Variants in CSMD2 observed in about 807,000 individuals in gnomAD.
CSMD2 encodes CUB and Sushi multiple domains 2.
CSMD2 carries 130 observed loss-of-function variants against 398.5 expected under a neutral mutation model. The ratio of observed to expected loss-of-function variants is 0.33; its 90% confidence interval spans 0.28 to 0.38. The LOEUF (loss-of-function observed/expected upper bound fraction) is 0.38, where lower values mean the gene tolerates loss of function less well. Ranked by LOEUF, CSMD2 falls within the 10% of genes least tolerant of loss-of-function variation. The pLI, the probability that CSMD2 is intolerant of heterozygous loss-of-function variation, is 1.00. For synonymous variants in CSMD2, 1,828 were observed against 1,908.5 expected (o/e 0.96, Z 1.10); for missense variants, 3,829 against 4,764.9 (o/e 0.80, Z 5.78).
intron 1 of CSMD2, among the ~76,000 whole-genome samples, chr1:34,109,595 C>T (rs998319073): frequency 6.6e-6 from 1 of 151,940 alleles, no homozygotes; most frequent in African/African-American, 2.4e-5. Flanking sequence ...AAACAGACAA[C>T]CTAAAGAAGG....
chr1:33,943,039 C>A (rs149630473), intron 3 of CSMD2, among the ~76,000 whole-genome samples: 1 of 152,160 alleles, frequency 6.6e-6, no homozygotes, highest in Non-Finnish European at 1.5e-5. Context: ...ACAAATTCAC[C>A]ATGGCCATGC....
rs567322079 is a variant in CSMD2, at chr1:34,066,820, C to G, written c.404+22157G>C. Among the ~76,000 whole-genome samples the G allele has an allele frequency of 1.3e-3, 203 of 152,268 alleles. 1 individual carries two copies. Among genetic ancestry groups the G allele is most frequent in the Admixed American group, 2.5e-3 (38 of 15,298 alleles). ...GGGAAAGATGGGGCTTCTCCACAGT[C>G]AGGATGGGCTTGGGGTCTGCAGGAC... On this transcript the variant is annotated intron_variant, in intron 2 of 70. Coordinates refer to ENST00000373381, the MANE Select transcript of CSMD2 (RefSeq NM_001281956.2).
intron 1 of CSMD2, among the ~76,000 whole-genome samples, chr1:34,120,647 C>T (rs980808898): frequency 3.9e-5 from 6 of 152,144 alleles, no homozygotes; most frequent in South Asian, 2.1e-4. Flanking sequence ...CAGGTTCAAG[C>T]GATTCTCCTG....
intron 1 of CSMD2, among the ~76,000 whole-genome samples, chr1:34,118,770 A>G (rs988521342): frequency 3.9e-5 from 6 of 152,226 alleles, no homozygotes; most frequent in African/African-American, 1.4e-4. Flanking sequence ...GCTTACAGAT[A>G]TTAAAGAAAA....
At chr1:34,021,492 G>C (rs1318561224) in intron 3 of CSMD2, among the ~76,000 whole-genome samples, 1 of 152,210 alleles carries the variant, frequency 6.6e-6, no homozygotes, top group African/African-American at 2.4e-5. Flanking sequence ...TCCATCCTGG[G>C]AGGGGCTGGG....
chr1:33,895,856 C>T (rs889937354), intron 5 of CSMD2, among the ~76,000 whole-genome samples: 4 of 152,084 alleles, frequency 2.6e-5, no homozygotes, highest in African/African-American at 4.8e-5. Flanking sequence ...GGTCTGAAGC[C>T]GCAGTGCTCA....
intron 6 of CSMD2, among the ~76,000 whole-genome samples, chr1:33,829,406 T>C (rs1163933343): frequency 6.6e-6 from 1 of 152,218 alleles, no homozygotes; most frequent in Non-Finnish European, 1.5e-5. Flanking sequence ...TTTTTTATTA[T>C]TATACTTAAA....
At chr1:33,710,753 G>A (rs1014693477) in intron 21 of CSMD2, among the ~76,000 whole-genome samples, 12 of 37,812 alleles carry the variant, frequency 3.2e-4, no homozygotes, top group Middle Eastern at 0.015. Flanking sequence ...TGGAGAACAT[G>A]GAAACCTTCA....
At chr1:33,646,579 C>T (rs1323655631) in intron 29 of CSMD2, 69 bp downstream of exon 29, 4 of 1,544,136 alleles carry the variant, frequency 2.6e-6, no homozygotes, top group Non-Finnish European at 3.5e-6. Flanking sequence ...CCTCACTACG[C>T]TACACTACTT....
At chr1:33,873,448 G>A (rs987150660) in intron 5 of CSMD2, 4 of 152,202 alleles carry the variant, frequency 2.6e-5, no homozygotes, top group Non-Finnish European at 5.9e-5. Context: ...TACAGAAAAA[G>A]TGATAGAATG....
At chr1:33,746,150 C>T (rs551283669) in intron 13 of CSMD2, among the ~76,000 whole-genome samples, 8 of 152,230 alleles carry the variant, frequency 5.3e-5, no homozygotes, top group Admixed American at 2.0e-4. Context: ...ATTCATCTGT[C>T]GACTTGAAAT....
At chr1:34,015,398 G>C (rs555450923) in intron 3 of CSMD2, among the ~76,000 whole-genome samples, 3 of 152,198 alleles carry the variant, frequency 2.0e-5, no homozygotes, top group African/African-American at 7.2e-5. Context: ...CAAAGTGTAG[G>C]CTTATCCTAT....
chr1:34,069,180 G>A (rs913948427), intron 2 of CSMD2, among the ~76,000 whole-genome samples: 17 of 152,196 alleles, frequency 1.1e-4, no homozygotes, highest in African/African-American at 4.1e-4. Flanking sequence ...CTGTACTGGT[G>A]TCATCTACTT....
chr1:33,651,324 A>G (rs1416125539), intron 28 of CSMD2, among the ~76,000 whole-genome samples: 1 of 152,200 alleles, frequency 6.6e-6, no homozygotes, highest in Non-Finnish European at 1.5e-5. Flanking sequence ...GCAGGTGTCA[A>G]TGCCAGCCCC....
chr1:34,015,546 C>T (rs1647965490), intron 3 of CSMD2, among the ~76,000 whole-genome samples: 1 of 152,114 alleles, frequency 6.6e-6, no homozygotes, highest in Non-Finnish European at 1.5e-5. Flanking sequence ...GGGTAAAGCA[C>T]CCATCCCTTC....
At position 33,639,261 on chromosome 1, in the gene CSMD2, C is replaced by G. The variant is rs148382090; in HGVS notation, c.4775-2707G>C. On this transcript the variant is annotated intron_variant, in intron 29 of 70. Coordinates refer to ENST00000373381, the MANE Select transcript of CSMD2 (RefSeq NM_001281956.2). ...TCCCTCATCAATCCTGGGCGCTGTC[C>G]TCCAGATTTCTTTTATAGGAAGTCT... 2.5e-3 allele frequency among the ~76,000 whole-genome samples: 378 copies of G among 152,298 alleles called. 2 individuals carry two copies. The highest frequency in any genetic ancestry group is 8.5e-3 in the African/African-American group (353 of 41,568).
At position 33,569,365 on chromosome 1, in the gene CSMD2, G is replaced by T. The variant is rs1419426009; in HGVS notation, c.8131+9C>A. 4.3e-6 allele frequency: 7 copies of T among 1,611,724 alleles called. No homozygotes were observed. The Admixed American group carries it at 6.7e-5, about 15-fold the overall frequency. On this transcript the variant is annotated intron_variant, in intron 52 of 70. Transcript: ENST00000373381. ...AACTGGGCAGGATAGGCCTGCAGAG[G>T]TCACTTACCAAGGCAGCGGACTTCA... is the stretch of plus-strand genomic sequence containing the variant.
At chr1:33,865,556 GC>G (rs1442441881) in intron 5 of CSMD2, among the ~76,000 whole-genome samples, 2 of 152,112 alleles carry the variant, frequency 1.3e-5, no homozygotes, top group African/African-American at 2.4e-5. Flanking sequence ...GATCGCCTTG[GC>G]CACAGTCATT....
At chr1:34,035,080 T>C (rs546168699) in intron 2 of CSMD2, among the ~76,000 whole-genome samples, 1 of 152,190 alleles carries the variant, frequency 6.6e-6, no homozygotes, top group Non-Finnish European at 1.5e-5. Context: ...AATAAGGAAA[T>C]ACTACAAATT....
Sources: gnomAD v4.1 joint callset for allele counts (sites outside exome capture counted in the v4.1 genomes callset) on GRCh38, gnomAD v4.1.1 for gene constraint, MANE v1.5 for transcripts, NCBI Gene and HGNC (gene_info 2026-07-23, HGNC 2026-07-21) for gene names.